AMZ1: variants seen among roughly 807,000 people sequenced by gnomAD.
AMZ1 encodes the protein archaelysin family metallopeptidase 1.
A neutral mutation model predicts 29.9 loss-of-function variants in AMZ1; 39 were observed. That is an observed-to-expected ratio of 1.30 (90% CI 1.01 to 1.70). The LOEUF (loss-of-function observed/expected upper bound fraction) is 1.70. Ranked by LOEUF, AMZ1 falls within the 40% of genes most tolerant of loss-of-function variation. AMZ1 has a pLI of 0.00. For synonymous variants in AMZ1, 458 were observed against 304.0 expected, an observed-to-expected ratio of 1.51 and a Z score of -5.27; for missense variants, 1,041 against 680.6, an observed-to-expected ratio of 1.53 and a Z score of -5.89.
In AMZ1 at chr7:2,750,293, A is replaced by G. The variant is rs185801542; in HGVS notation, n.551-14419A>G. 2.2e-4 allele frequency among the ~76,000 whole-genome samples: 34 copies of G among 152,344 alleles called. No individual in the cohort carries two copies. In the East Asian group the frequency reaches 6.4e-3, roughly 29 times the overall value. ...ACACACTGCTGCCCCCAAACTGCAG[A>G]GGCAGACAGGCAAATGCAGAGAATC... On this transcript the variant is annotated intron_variant and non_coding_transcript_variant, in intron 4 of 4. Transcript: ENST00000489665.
Position 2,713,141 on chromosome 7 carries a change from C to T in AMZ1, c.*263C>T, listed in dbSNP as rs369115340. ...CCTGTGTTCCCAGCTATTCAGGAGGCTGAGGTGGGAGGATTGCTTGAGCCT... is the reference window on the plus strand; with the variant it reads ...CCTGTGTTCCCAGCTATTCAGGAGGTTGAGGTGGGAGGATTGCTTGAGCCT... On this transcript the variant is annotated 3_prime_UTR_variant, in exon 7 of 7. Transcript: ENST00000683327. The T allele has an allele frequency of 1.2e-5, 4 of 333,010 alleles. No individual in the cohort carries two copies. Among genetic ancestry groups the T allele is most frequent in the African/African-American group, 8.5e-5 (4 of 46,912 alleles). The allele number at this position is 333,010 out of a possible 1,614,324, so 20.6% of individuals were successfully genotyped here.
chr7:2,680,297 G>T (rs1016140563), intron 1 of AMZ1, among the ~76,000 whole-genome samples: 1 of 152,130 alleles, frequency 6.6e-6, no homozygotes, highest in African/African-American at 2.4e-5. Context: ...CAGGCACTCG[G>T]CTCTCTGGGG....
At chr7:2,696,521 T>C (rs1426125807) in intron 1 of AMZ1, among the ~76,000 whole-genome samples, 4 of 150,698 alleles carry the variant, frequency 2.7e-5, no homozygotes, top group Non-Finnish European at 5.9e-5. Flanking sequence ...CCTCCCAAAG[T>C]GCTGTGATTA....
rs541142333 is a variant in AMZ1, at chr7:2,694,341, C to T, written c.-218-5893C>T. Among the ~76,000 whole-genome samples the T allele has an allele frequency of 3.9e-5, 6 of 152,340 alleles. No individual in the cohort carries two copies. In the East Asian group the frequency reaches 1.2e-3, roughly 29 times the overall value. ...ACCATCGGCTGCCCTGGTTCTCAGG[C>T]CTTCGGACATGAGCTGAGTTTGAAT... On this transcript the variant is annotated intron_variant, in intron 1 of 6. Coordinates refer to ENST00000683327, the MANE Select transcript of AMZ1 (RefSeq NM_001384743.1).
chr7:2,733,541 G>A (rs753580852), intron 4 of AMZ1: 5 of 1,517,956 alleles, frequency 3.3e-6, no homozygotes, highest in Non-Finnish European at 4.6e-6. Flanking sequence ...AGTCTGGACT[G>A]AGGAATCCTG....
intron 4 of AMZ1, among the ~76,000 whole-genome samples, chr7:2,735,236 C>T (rs1056900978): frequency 1.3e-5 from 2 of 152,268 alleles, no homozygotes; most frequent in African/African-American, 4.8e-5. Flanking sequence ...CATACTGTCC[C>T]TCCCTCTCCT....
chr7:2,705,116 GTTTAAC>G (rs1788277417), intron 3 of AMZ1, among the ~76,000 whole-genome samples: 1 of 152,224 alleles, frequency 6.6e-6, no homozygotes, highest in Non-Finnish European at 1.5e-5. Flanking sequence ...GGAAAAATTA[GTTTAAC>G]TTTGAGAATT....
rs1789311714 is a variant in AMZ1, at chr7:2,719,249, G to A, written c.*6371G>A. Among the ~76,000 whole-genome samples the A allele has an allele frequency of 6.6e-6, 1 of 152,170 alleles. No individual in the cohort carries two copies. Among genetic ancestry groups the A allele is most frequent in the Admixed American group, 6.5e-5 (1 of 15,280 alleles). On this transcript the variant is annotated 3_prime_UTR_variant, in exon 7 of 7. Transcript: ENST00000683327. ...GTCTCTTTATTCCTGCCATCCTCCG[G>A]CCGCCTCTCCCGCCTGCACCACTTG...
chr7:2,708,717 G>A lies in AMZ1; in HGVS notation c.601+1G>A. 1 of 1,612,438 alleles carries A rather than the reference G, an allele frequency of 6.2e-7. No homozygotes were observed. Among genetic ancestry groups the A allele is most frequent in the Non-Finnish European group, 8.5e-7 (1 of 1,179,976 alleles). The stretch of plus-strand genomic sequence containing the variant: ...TTCAGCAAGTTCCTTCCAGGGCACG[G>A]TGAGCCGGGGCCCCAGCAGCTGTGC... On this transcript the variant is annotated splice_donor_variant, in intron 4 of 6. Transcript: ENST00000683327. LOFTEE classifies it high-confidence loss of function.
At position 2,716,115 on chromosome 7, in the gene AMZ1, T is replaced by C. The variant is rs1428267900; in HGVS notation, c.*3237T>C. ...AGGTCATGACAGATGTTATCTGTAT[T>C]GCTGTGTGTGCGATGAGTCTGGGGA... On this transcript the variant is annotated 3_prime_UTR_variant, in exon 7 of 7. Coordinates refer to ENST00000683327, the MANE Select transcript of AMZ1 (RefSeq NM_001384743.1). 1 of 152,226 alleles carries C rather than the reference T, an allele frequency of 6.6e-6. No homozygotes were observed. The highest frequency in any genetic ancestry group is 2.4e-5 in the African/African-American group (1 of 41,434). 9.4% of individuals were successfully genotyped at this position (152,226 alleles called of 1,614,324 possible). A position where few individuals can be genotyped will look rare whatever the true frequency, so the allele number is the denominator to read the frequency against.
intron 4 of AMZ1, among the ~76,000 whole-genome samples, chr7:2,739,751 G>A (rs945435817): frequency 5.9e-5 from 9 of 152,066 alleles, no homozygotes; most frequent in South Asian, 2.1e-4. Context: ...TTGGCTCACC[G>A]CAACCTCTGC....
At chr7:2,719,871 T>C (rs1789344810), downstream of AMZ1, among the ~76,000 whole-genome samples, 1 of 152,008 alleles carries the variant, frequency 6.6e-6, no homozygotes, top group East Asian at 1.9e-4. Flanking sequence ...TTAGTAGAAA[T>C]GGGGTTTCAT....
chr7:2,686,279 T>G (rs1787075487), upstream of AMZ1, among the ~76,000 whole-genome samples: 1 of 152,172 alleles, frequency 6.6e-6, no homozygotes, highest in Non-Finnish European at 1.5e-5. Flanking sequence ...ATACCTGTGA[T>G]CTCAACATTT....
At chr7:2,754,957 A>T (rs536539602) in intron 4 of AMZ1, among the ~76,000 whole-genome samples, 11 of 152,298 alleles carry the variant, frequency 7.2e-5, no homozygotes, top group Non-Finnish European at 1.5e-4. Flanking sequence ...GTTTGAATTA[A>T]TTTTGTATAA....
At position 2,712,409 on chromosome 7, in the gene AMZ1, C is replaced by A; in HGVS notation, c.1028C>A (p.Thr343Asn). The change falls in exon 7 of 7, where the codon ACC (threonine) becomes AAC (asparagine). Residue 343 changes from threonine to asparagine, a missense_variant. Thr to Asn is a moderately conservative substitution (Grantham distance 65, BLOSUM62 0). Transcript: ENST00000683327. ...EAGEPSVWED[T>N]PPASADSGMC... The stretch of plus-strand genomic sequence containing the variant: ...GGGGAGCCGTCAGTGTGGGAGGACA[C>A]CCCGCCTGCCAGCGCCGACTCGGGC... 3 of 1,611,332 alleles carry A rather than the reference C, an allele frequency of 1.9e-6. No homozygotes were observed. The highest frequency in any genetic ancestry group is 2.5e-6 in the Non-Finnish European group (3 of 1,179,422).
intron 4 of AMZ1, among the ~76,000 whole-genome samples, chr7:2,736,070 G>GTCT (rs1249042710): frequency 6.6e-6 from 1 of 152,148 alleles, no homozygotes; most frequent in Non-Finnish European, 1.5e-5. Flanking sequence ...GACTCCTCAA[G>GTCT]TCTTACAGCA....
chr7:2,761,110 C>G (rs985871124), upstream of AMZ1, among the ~76,000 whole-genome samples: 4 of 152,246 alleles, frequency 2.6e-5, no homozygotes, highest in African/African-American at 4.8e-5. Context: ...ACGTCTGGCT[C>G]TCGGCTGTGG....
chr7:2,684,150 C>T (rs185798315), upstream of AMZ1, among the ~76,000 whole-genome samples: 658 of 152,088 alleles, frequency 4.3e-3, 4 homozygotes, highest in Non-Finnish European at 6.6e-3. Flanking sequence ...TGCACTCCAG[C>T]CCGGGTGACA....
intron 4 of AMZ1, among the ~76,000 whole-genome samples, chr7:2,740,372 G>C (rs1054574409): frequency 6.6e-6 from 1 of 152,140 alleles, no homozygotes; most frequent in Admixed American, 6.5e-5. Context: ...GAAGAGACCG[G>C]AGAGCTCTCC....
Sources: gnomAD v4.1 joint callset for allele counts (sites outside exome capture counted in the v4.1 genomes callset) on GRCh38, gnomAD v4.1.1 for gene constraint, MANE v1.5 for transcripts, NCBI Gene and HGNC (gene_info 2026-07-23, HGNC 2026-07-21) for gene names.